The following DDX19A variants were observed in gnomAD, a reference collection of about 807,000 sequenced individuals.
DDX19A encodes DEAD-box helicase 19A.
Under a neutral mutation model 60.6 loss-of-function variants are expected in DDX19A, and 12 were observed. The ratio of observed to expected loss-of-function variants is 0.20; its 90% CI spans 0.13 to 0.32. DDX19A has a LOEUF of 0.32. Among genes scored for constraint, DDX19A ranks in the 10% least tolerant of loss-of-function variants. DDX19A has a pLI of 1.00. For missense variants in DDX19A, 337 were observed against 600.6 expected (o/e 0.56, Z 4.59); for synonymous variants, 206 against 218.2 (o/e 0.94, Z 0.49).
chr16:70,370,375 G>T lies in DDX19A; in HGVS notation c.1173G>T (p.Val391=). Reference sequence around the variant, plus strand: ...AGAAGGTTTTGGTGACCACCAACGTGTGTGCCCGCGGTGAGCAGAGGACGT... The same window carrying T: ...AGAAGGTTTTGGTGACCACCAACGTTTGTGCCCGCGGTGAGCAGAGGACGT... ...GKEKVLVTTN[V]CARGIDVEQV... Residue 391 remains valine (V), a synonymous_variant, in exon 10 of 12, where the codon GTG becomes GTT. Transcript: ENST00000302243. 1 of 1,613,140 alleles carries T rather than the reference G, an allele frequency of 6.2e-7. No homozygotes were observed. Among genetic ancestry groups the T allele is most frequent in the Non-Finnish European group, 8.5e-7 (1 of 1,179,692 alleles).
chr16:70,369,230 A>G (rs1964611176), intron 9 of DDX19A, among the ~76,000 whole-genome samples: 2 of 120,140 alleles, frequency 1.7e-5, no homozygotes, highest in African/African-American at 6.7e-5. Context: ...CCCAGGCTGG[A>G]GTGCAATGGC....
chr16:70,357,379 T>G (rs1402454321), intron 4 of DDX19A, among the ~76,000 whole-genome samples: 3 of 83,420 alleles, frequency 3.6e-5, no homozygotes, highest in Admixed American at 1.3e-4. Context: ...TTTTTTTTTT[T>G]TTTTTTTTTT....
At chr16:70,365,427 G>C (rs1248269514) in intron 7 of DDX19A, 2 of 218,880 alleles carry the variant, frequency 9.1e-6, no homozygotes, top group Non-Finnish European at 1.8e-5. Context: ...CAGAGTTCTG[G>C]GACCTGCTAC....
At chr16:70,348,015 T>G (rs1963893022) in intron 1 of DDX19A, 1 of 449,736 alleles carries the variant, frequency 2.2e-6, no homozygotes, top group East Asian at 7.4e-5. Context: ...GAGAGGGCTA[T>G]TGACAGAATT....
In DDX19A at chr16:70,372,662, A is replaced by G. The variant is rs1321319253; in HGVS notation, c.*676A>G. ...AGTCTGAATCCTGACCCCTTGAGAG[A>G]GAGTGATCTGGCGAGGGCCGATGAA... On this transcript the variant is annotated 3_prime_UTR_variant, in exon 12 of 12. Coordinates refer to ENST00000302243, the MANE Select transcript of DDX19A (RefSeq NM_018332.5). The G allele has an allele frequency of 6.5e-6, 1 of 153,072 alleles. No individual in the cohort carries two copies. Among genetic ancestry groups the G allele is most frequent in the East Asian group, 1.9e-4 (1 of 5,208 alleles). The allele number at this position is 153,072 out of a possible 1,614,324, so 9.5% of individuals were successfully genotyped here.
intron 5 of DDX19A, among the ~76,000 whole-genome samples, chr16:70,362,094 GA>G (rs1446345531): frequency 6.6e-6 from 1 of 151,524 alleles, no homozygotes; most frequent in African/African-American, 2.4e-5. Context: ...AGAATTGCTT[GA>G]ACCCGGGAGG....
chr16:70,349,775 G>C (rs1014238775), intron 1 of DDX19A, among the ~76,000 whole-genome samples: 3 of 152,202 alleles, frequency 2.0e-5, no homozygotes, highest in Non-Finnish European at 4.4e-5. Flanking sequence ...TGAAATCTGT[G>C]ATCCTAACCT....
At chr16:70,361,540 C>G in intron 5 of DDX19A, 30 bp downstream of exon 5, 1 of 1,550,644 alleles carries the variant, frequency 6.4e-7, no homozygotes, top group South Asian at 1.1e-5. Flanking sequence ...GCATCTCACC[C>G]AGTGTGATTA....
intron 4 of DDX19A, among the ~76,000 whole-genome samples, chr16:70,356,615 C>G (rs1964194843): frequency 6.6e-6 from 1 of 151,986 alleles, no homozygotes; most frequent in African/African-American, 2.4e-5. Flanking sequence ...GCCTCGGCCT[C>G]TCAAGGTGCT....
At chr16:70,355,810 A>G in intron 3 of DDX19A, 1 of 572,140 alleles carries the variant, frequency 1.7e-6, no homozygotes, top group East Asian at 2.9e-5. Context: ...AAAGATTTCA[A>G]AATGAGCTGG....
At chr16:70,356,075 A>G in intron 3 of DDX19A, 37 bp from the exon 4 acceptor site, 1 of 1,611,676 alleles carries the variant, frequency 6.2e-7, no homozygotes, top group Non-Finnish European at 8.5e-7. Context: ...GGGGTTTGCC[A>G]GATGAGTATG....
At position 70,372,265 on chromosome 16, in the gene DDX19A, G is replaced by A. The variant is rs1014055682; in HGVS notation, c.*279G>A. On this transcript the variant is annotated 3_prime_UTR_variant, in exon 12 of 12. Transcript: ENST00000302243. ...TAATAATCTGGTCACAGTGGTAGTC[G>A]CTGGCCCCAGGACCCCCTCCTGATT... The A allele has an allele frequency of 6.7e-5, 35 of 522,058 alleles. No homozygotes were observed. Among genetic ancestry groups the A allele is most frequent in the African/African-American group, 6.0e-4 (31 of 51,928 alleles). The allele number at this position is 522,058 out of a possible 1,614,324, so 32.3% of individuals were successfully genotyped here.
At position 70,355,627 on chromosome 16, in the gene DDX19A, A is replaced by AGATGAGAGGAATCAGAGAAGGAATAGTC. The variant is rs1964163201; in HGVS notation, c.157+93_157+120dup. On this transcript the variant is annotated intron_variant, in intron 3 of 11. Coordinates refer to ENST00000302243, the MANE Select transcript of DDX19A (RefSeq NM_018332.5). ...GGCACTCCAAGCTACAAGATCCAGG[A>AGATGAGAGGAATCAGAGAAGGAATAGTC]GATGAGAGGAATCAGAGAAGGAATA... The AGATGAGAGGAATCAGAGAAGGAATAGTC allele has an allele frequency of 4.6e-5, 46 of 1,006,680 alleles. 1 individual carries two copies. In the Admixed American group the frequency reaches 6.8e-4, roughly 15 times the overall value. The allele number at this position is 1,006,680 out of a possible 1,614,324, so 62.4% of individuals were successfully genotyped here.
At chr16:70,347,393 ACTC>A in intron 1 of DDX19A, 1 of 309,572 alleles carries the variant, frequency 3.2e-6, no homozygotes, top group East Asian at 7.0e-5. Flanking sequence ...TTTCTGTACT[ACTC>A]TGTATTTAAC....
chr16:70,370,372 C>T lies in DDX19A; in HGVS notation c.1170C>T (p.Asn390=), dbSNP rs748172297. The T allele has an allele frequency of 1.4e-5, 23 of 1,613,134 alleles. No homozygotes were observed. Among genetic ancestry groups the T allele is most frequent in the East Asian group, 4.5e-5 (2 of 44,884 alleles). The part of the protein sequence containing the change: ...EGKEKVLVTT[N]VCARGIDVEQ... The stretch of plus-strand genomic sequence containing the variant: ...AAGAGAAGGTTTTGGTGACCACCAA[C>T]GTGTGTGCCCGCGGTGAGCAGAGGA... Residue 390 remains asparagine, a synonymous_variant, in exon 10 of 12, where the codon AAC becomes AAT. Transcript: ENST00000302243.
intron 10 of DDX19A, 167 bp downstream of exon 10, chr16:70,370,552 A>T: frequency 1.7e-6 from 2 of 1,163,850 alleles, no homozygotes; most frequent in Non-Finnish European, 2.3e-6. Flanking sequence ...CTGAGGTGGT[A>T]AGAACTCACA....
At chr16:70,362,948 A>G (rs1567654627) in intron 5 of DDX19A, among the ~76,000 whole-genome samples, 1 of 149,620 alleles carries the variant, frequency 6.7e-6, no homozygotes, top group Non-Finnish European at 1.5e-5. Context: ...CAGGAAACAG[A>G]GGTTGCAATG....
At chr16:70,361,668 TAC>T (rs1050652703) in intron 5 of DDX19A, 158 bp downstream of exon 5, 1 of 585,136 alleles carries the variant, frequency 1.7e-6, no homozygotes, top group Non-Finnish European at 3.0e-6. Context: ...TGGAGTTAGC[TAC>T]AGTTTCTGCC....
intron 2 of DDX19A, among the ~76,000 whole-genome samples, chr16:70,355,202 C>A (rs1052817578): frequency 6.6e-6 from 1 of 151,990 alleles, no homozygotes; most frequent in Admixed American, 6.6e-5. Flanking sequence ...CGTGGTGAAA[C>A]CCCGTCTCTA....
Sources: allele counts gnomAD v4.1 joint callset (sites outside exome capture counted in the v4.1 genomes callset), GRCh38; gene constraint gnomAD v4.1.1; transcripts MANE v1.5; gene names NCBI Gene and HGNC (gene_info 2026-07-23, HGNC 2026-07-21).